SCFD2: variants seen among roughly 807,000 people sequenced by gnomAD.
SCFD2 encodes sec1 family domain containing 2.
A neutral mutation model predicts 58.9 loss-of-function variants in SCFD2; 54 were observed. The observed-to-expected ratio is 0.92, with a 90% CI of 0.74 to 1.15. The LOEUF (loss-of-function observed/expected upper bound fraction) is 1.15. SCFD2 is among the 50% of genes most tolerant of loss of function. The pLI is 0.00. For synonymous variants in SCFD2, 321 were observed against 335.9 expected, an observed-to-expected ratio of 0.96 and a Z score of 0.49; for missense variants, 805 against 836.6, an observed-to-expected ratio of 0.96 and a Z score of 0.47.
At chr4:53,237,666 G>A (rs866798590) in intron 4 of SCFD2, among the ~76,000 whole-genome samples, 13 of 94,570 alleles carry the variant, frequency 1.4e-4, no homozygotes, top group Admixed American at 5.3e-4. Context: ...CCTCCCTCCC[G>A]GACGGGGCGG....
At chr4:52,925,355 C>T (rs201058350) in intron 5 of SCFD2, among the ~76,000 whole-genome samples, 160 of 142,914 alleles carry the variant, frequency 1.1e-3, no homozygotes, top group Middle Eastern at 3.7e-3. Flanking sequence ...TATATATATA[C>T]ATATATATAT....
At chr4:53,214,827 G>A (rs529515031) in intron 4 of SCFD2, among the ~76,000 whole-genome samples, 97 of 152,204 alleles carry the variant, frequency 6.4e-4, no homozygotes, top group African/African-American at 2.2e-3. Flanking sequence ...ATTAATTTTT[G>A]TATAAGATGT....
At chr4:52,970,092 G>C (rs143225993) in intron 5 of SCFD2, among the ~76,000 whole-genome samples, 1 of 152,192 alleles carries the variant, frequency 6.6e-6, no homozygotes, top group African/African-American at 2.4e-5. Context: ...CAGCGTGAGC[G>C]ACACAGAAGA....
intron 5 of SCFD2, among the ~76,000 whole-genome samples, chr4:53,132,154 A>C (rs984088567): frequency 6.6e-6 from 1 of 152,270 alleles, no homozygotes; most frequent in Non-Finnish European, 1.5e-5. Flanking sequence ...AGCTACCTCA[A>C]TAGGAAGCTC....
intron 4 of SCFD2, among the ~76,000 whole-genome samples, chr4:53,191,366 A>T (rs1311517719): frequency 6.6e-6 from 1 of 152,122 alleles, no homozygotes; most frequent in Non-Finnish European, 1.5e-5. Flanking sequence ...TTAGCAAAAA[A>T]ATCAAGTGTG....
intron 5 of SCFD2, among the ~76,000 whole-genome samples, chr4:52,943,695 C>T (rs184404269): frequency 1.3e-5 from 2 of 152,044 alleles, no homozygotes; most frequent in African/African-American, 2.4e-5. Context: ...AAGACCCCAC[C>T]CCTTAATACT....
At chr4:52,945,395 C>A (rs987888822) in intron 5 of SCFD2, among the ~76,000 whole-genome samples, 1 of 152,146 alleles carries the variant, frequency 6.6e-6, no homozygotes, top group Non-Finnish European at 1.5e-5. Flanking sequence ...ATATCCCCAG[C>A]CCACACTTAA....
At chr4:53,127,993 T>C (rs1725679662) in intron 5 of SCFD2, among the ~76,000 whole-genome samples, 1 of 148,514 alleles carries the variant, frequency 6.7e-6, no homozygotes, top group African/African-American at 2.5e-5. Flanking sequence ...ATTCTGTTAT[T>C]TTAAGCAAAA....
intron 4 of SCFD2, among the ~76,000 whole-genome samples, chr4:53,242,003 G>T (rs552156729): frequency 4.3e-4 from 65 of 152,318 alleles, no homozygotes; most frequent in African/African-American, 1.6e-3. Flanking sequence ...GTGCAAAAGG[G>T]CACAATTGCT....
intron 4 of SCFD2, among the ~76,000 whole-genome samples, chr4:53,252,417 G>A (rs527404529): frequency 4.4e-4 from 66 of 151,512 alleles, no homozygotes; most frequent in African/African-American, 1.3e-3. Flanking sequence ...AAAAGAGCCC[G>A]CATCGCCAAG....
At chr4:53,218,069 C>G (rs1046156968) in intron 4 of SCFD2, among the ~76,000 whole-genome samples, 5 of 152,172 alleles carry the variant, frequency 3.3e-5, no homozygotes, top group African/African-American at 1.2e-4. Flanking sequence ...TCTGGCTGCC[C>G]TGAACATTTT....
chr4:53,262,457 TTC>T (rs1170880177), intron 4 of SCFD2, among the ~76,000 whole-genome samples: 1 of 152,208 alleles, frequency 6.6e-6, no homozygotes, highest in East Asian at 1.9e-4. Context: ...CAGTGGTGAA[TTC>T]TCTCAGCATT....
At chr4:52,948,526 A>G (rs1441324029) in intron 5 of SCFD2, 3 of 456,448 alleles carry the variant, frequency 6.6e-6, no homozygotes, top group Non-Finnish European at 1.3e-5. Flanking sequence ...TGAAAATGCA[A>G]TTTAATCTGT....
rs192292119 is a variant in SCFD2, at chr4:53,312,569, C to A, written c.1135+1067G>T. ...CTTATCATCATTATGTTCCTTGCAG[C>A]CCTCAAATATAGTTACCTAATACAC... On this transcript the variant is annotated intron_variant, in intron 3 of 8. Coordinates refer to ENST00000401642, the MANE Select transcript of SCFD2 (RefSeq NM_152540.4). Among the ~76,000 whole-genome samples the A allele has an allele frequency of 7.9e-5, 12 of 152,248 alleles. No homozygotes were observed. In the South Asian group the frequency reaches 1.5e-3, roughly 18 times the overall value.
intron 4 of SCFD2, among the ~76,000 whole-genome samples, chr4:53,238,606 G>A (rs1490164182): frequency 6.6e-6 from 1 of 151,818 alleles, no homozygotes; most frequent in Non-Finnish European, 1.5e-5. Flanking sequence ...TTCCCAGACG[G>A]GGCGGCTGCC....
Position 52,923,451 on chromosome 4 carries a change from A to C in SCFD2, c.1562-2581T>G, listed in dbSNP as rs943869075. ...TGAGATCGTGCCACAGCACTCCAGC[A>C]TGGGTGACACAGTGAGACTGCATCT... On this transcript the variant is annotated intron_variant, in intron 5 of 8. Transcript: ENST00000401642. 2.0e-5 allele frequency among the ~76,000 whole-genome samples: 3 copies of C among 151,282 alleles called. No homozygotes were observed. In the East Asian group the frequency reaches 5.9e-4, roughly 30 times the overall value.
At chr4:53,238,202 G>A (rs571530327) in intron 4 of SCFD2, among the ~76,000 whole-genome samples, 48 of 141,232 alleles carry the variant, frequency 3.4e-4, no homozygotes, top group African/African-American at 1.1e-3. Context: ...CCTCCCTCCC[G>A]GACGGGGCGG....
chr4:53,019,897 T>C (rs1387537208), intron 5 of SCFD2, among the ~76,000 whole-genome samples: 1 of 152,190 alleles, frequency 6.6e-6, no homozygotes, highest in Non-Finnish European at 1.5e-5. Context: ...GGTTTAAAGT[T>C]CAGGCACAGA....
At chr4:53,189,027 A>G (rs552554039) in intron 4 of SCFD2, among the ~76,000 whole-genome samples, 2 of 152,318 alleles carry the variant, frequency 1.3e-5, no homozygotes, top group African/African-American at 4.8e-5. Context: ...ATTCCCCTAG[A>G]CAGAATAAAT....
Sources: gnomAD v4.1 joint callset for allele counts (sites outside exome capture counted in the v4.1 genomes callset) on GRCh38, gnomAD v4.1.1 for gene constraint, MANE v1.5 for transcripts, NCBI Gene and HGNC (gene_info 2026-07-23, HGNC 2026-07-21) for gene names.